ANKRD55: variants seen among roughly 807,000 people sequenced by gnomAD.
The protein encoded by ANKRD55 is ankyrin repeat domain 55, also known as ankyrin repeat domain-containing protein 55.
A neutral mutation model predicts 60.6 loss-of-function variants in ANKRD55; 41 were observed. The observed-to-expected ratio is 0.68, with a 90% CI of 0.53 to 0.88. The LOEUF (loss-of-function observed/expected upper bound fraction) is 0.88. Among genes scored for constraint, ANKRD55 ranks in the 40% least tolerant of loss-of-function variants. The pLI, the probability that ANKRD55 is intolerant of heterozygous loss-of-function variation, is 0.00. For missense variants in ANKRD55, 732 were observed against 767.6 expected (o/e 0.95, Z 0.55); for synonymous variants, 264 against 290.3 (o/e 0.91, Z 0.92).
intron 2 of ANKRD55, among the ~76,000 whole-genome samples, chr5:56,199,365 T>C (rs1321201359): frequency 6.6e-6 from 1 of 152,142 alleles, no homozygotes; most frequent in African/African-American, 2.4e-5. Flanking sequence ...TGCTGAGCAG[T>C]GTGTTGTACT....
intron 6 of ANKRD55, among the ~76,000 whole-genome samples, chr5:56,155,088 T>C (rs1401456670): frequency 1.3e-5 from 2 of 151,812 alleles, no homozygotes; most frequent in Non-Finnish European, 2.9e-5. Context: ...AAAAATGAGC[T>C]GGGTATGGTT....
At chr5:56,109,083 C>CAA (rs1284997771) in intron 10 of ANKRD55, among the ~76,000 whole-genome samples, 173 of 144,230 alleles carry the variant, frequency 1.2e-3, no homozygotes, top group African/African-American at 4.0e-3. Context: ...ACACACACCC[C>CAA]ACCGCCCAAC....
At chr5:56,165,078 C>T (rs866107816) in intron 5 of ANKRD55, among the ~76,000 whole-genome samples, 23 of 152,284 alleles carry the variant, frequency 1.5e-4, no homozygotes, top group Non-Finnish European at 2.9e-4. Context: ...GAATAACCTC[C>T]AGTGAGCACC....
At chr5:56,112,510 A>AAAAAACAAAAAAAAAAAC (rs1554036583) in intron 9 of ANKRD55, among the ~76,000 whole-genome samples, 1 of 138,004 alleles carries the variant, frequency 7.2e-6, no homozygotes, top group Non-Finnish European at 1.6e-5. Context: ...CTAGCAAAAA[A>AAAAAACAAAAAAAAAAAC]AAAAAAAAAA....
chr5:56,221,556 A>C (rs1353796594), intron 2 of ANKRD55, among the ~76,000 whole-genome samples: 1 of 152,220 alleles, frequency 6.6e-6, no homozygotes, highest in East Asian at 1.9e-4. Flanking sequence ...GCATCACCTC[A>C]CGCGGGAAGC....
At chr5:56,120,977 C>T (rs1235249961) in intron 8 of ANKRD55, among the ~76,000 whole-genome samples, 2 of 151,688 alleles carry the variant, frequency 1.3e-5, no homozygotes, top group Admixed American at 1.3e-4. Flanking sequence ...GGTCAAGAAC[C>T]TTGCTTCACT....
rs1252939101 is a variant in ANKRD55 at position 56,134,075 on chromosome 5, G to A, written c.613-6969C>T. ...TCTAGCCAGGCTAGAAAAAAACAGA[G>A]GGAAACAAATTACTTAATATCAGAA... On this transcript the variant is annotated intron_variant, in intron 7 of 11. Transcript: ENST00000341048. Among the ~76,000 whole-genome samples, 8 of 113,260 alleles carry A rather than the reference G, an allele frequency of 7.1e-5. 1 individual carries two copies. Among genetic ancestry groups the A allele is most frequent in the Non-Finnish European group, 1.7e-4 (8 of 47,980 alleles). The allele number at this position is 113,260 out of a possible 152,430, so 74.3% of individuals were successfully genotyped here. A position where few individuals can be genotyped will look rare whatever the true frequency, so the allele number is the denominator to read the frequency against.
At chr5:56,170,857 T>C (rs1758598571) in intron 4 of ANKRD55, 54 bp from the exon 5 acceptor site, 9 of 1,491,640 alleles carry the variant, frequency 6.0e-6, no homozygotes, top group Non-Finnish European at 7.4e-6. Flanking sequence ...CGTAACATGG[T>C]CCAACAAACT....
chr5:56,231,016 A>G (rs986136570), intron 2 of ANKRD55, among the ~76,000 whole-genome samples: 1 of 152,244 alleles, frequency 6.6e-6, no homozygotes, highest in African/African-American at 2.4e-5. Flanking sequence ...CTGCTAGGTA[A>G]GCATCATTTC....
intron 2 of ANKRD55, among the ~76,000 whole-genome samples, chr5:56,230,593 G>T (rs1760230029): frequency 1.3e-5 from 2 of 152,010 alleles, no homozygotes; most frequent in African/African-American, 4.8e-5. Flanking sequence ...ACCTCCCTTT[G>T]GTTTGTCCAA....
chr5:56,228,908 A>G (rs1222983549), intron 2 of ANKRD55, among the ~76,000 whole-genome samples: 1 of 152,176 alleles, frequency 6.6e-6, no homozygotes, highest in Non-Finnish European at 1.5e-5. Context: ...CGACAAGAGA[A>G]ACGACCTGTG....
At chr5:56,125,797 C>T (rs529173750) in intron 8 of ANKRD55, 21 of 152,150 alleles carry the variant, frequency 1.4e-4, no homozygotes, top group Admixed American at 9.2e-4. Flanking sequence ...AAAAGAATTT[C>T]AGGTATCTGG....
At chr5:56,226,234 G>T (rs1760107435) in intron 2 of ANKRD55, among the ~76,000 whole-genome samples, 1 of 152,116 alleles carries the variant, frequency 6.6e-6, no homozygotes, top group South Asian at 2.1e-4. Flanking sequence ...AATGAGGAAA[G>T]GATTCCCTCT....
chr5:56,147,021 G>A (rs1481632942), intron 6 of ANKRD55, among the ~76,000 whole-genome samples: 3 of 152,138 alleles, frequency 2.0e-5, no homozygotes, highest in Non-Finnish European at 4.4e-5. Flanking sequence ...TTAAACAACC[G>A]CAAGAAACCC....
chr5:56,187,486 A>T (rs979861435), intron 2 of ANKRD55, among the ~76,000 whole-genome samples: 2 of 152,168 alleles, frequency 1.3e-5, no homozygotes, highest in Non-Finnish European at 2.9e-5. Context: ...AAATCTTGCA[A>T]CTGCACACTC....
chr5:56,111,152 T>C lies in ANKRD55; in HGVS notation c.1596A>G (p.Pro532=). ...VRPGHQEVSV[P]PHLRHLHNPS... is the part of the protein sequence containing the mutation. ...GATTATGTAGATGGCGAAGGTGTGG[T>C]GGCACGGAGACCTCTTGGTGACCAG... Residue 532 remains proline, a synonymous_variant, in exon 10 of 12, where the codon CCA becomes CCG. Coordinates refer to ENST00000341048, the MANE Select transcript of ANKRD55 (RefSeq NM_024669.3). The C allele has an allele frequency of 6.2e-7, 1 of 1,614,140 alleles. No homozygotes were observed.
chr5:56,215,511 A>T (rs1759782152), intron 2 of ANKRD55, among the ~76,000 whole-genome samples: 1 of 152,226 alleles, frequency 6.6e-6, no homozygotes, highest in African/African-American at 2.4e-5. Context: ...TGAGCAAATC[A>T]CAGAGGGAGT....
chr5:56,164,929 G>C (rs16884951), intron 5 of ANKRD55, among the ~76,000 whole-genome samples: 10,482 of 152,220 alleles, frequency 0.069, 495 homozygotes, highest in African/African-American at 0.13. Flanking sequence ...CGGGTGTTTA[G>C]TTAAGGATGC....
chr5:56,141,627 C>T (rs1373299009), intron 7 of ANKRD55, among the ~76,000 whole-genome samples: 1 of 152,152 alleles, frequency 6.6e-6, no homozygotes, highest in Non-Finnish European at 1.5e-5. Context: ...TGGAGGGTGG[C>T]ACACCCAGAG....
Sources: gnomAD v4.1 joint callset for allele counts (sites outside exome capture counted in the v4.1 genomes callset) on GRCh38, gnomAD v4.1.1 for gene constraint, MANE v1.5 for transcripts, NCBI Gene and HGNC (gene_info 2026-07-23, HGNC 2026-07-21) for gene names.